The following SPMIP2 variants were observed in gnomAD, a reference collection of about 807,000 sequenced individuals.
SPMIP2 encodes sperm microtubule inner protein 2, also known as protein SPMIP2.
chr4:158,893,859 CT>C, the SPMIP2 span: 2 of 571,314 alleles, frequency 3.5e-6, no homozygotes, highest in African/African-American at 1.9e-5. Context: ...ATAGTTAATT[CT>C]TTTTACTTCC....
chr4:159,062,012 C>A, the SPMIP2 span, among the ~76,000 whole-genome samples: 9 of 152,106 alleles, frequency 5.9e-5, no homozygotes, highest in Non-Finnish European at 2.9e-5. Context: ...GCAGTGGGAA[C>A]AGTACAGCCT....
chr4:158,900,259 A>G, the SPMIP2 span, among the ~76,000 whole-genome samples: 1 of 152,238 alleles, frequency 6.6e-6, no homozygotes, highest in East Asian at 1.9e-4. Context: ...TTTTACTTCC[A>G]ATTTTGTGGT....
chr4:159,016,374 T>C, the SPMIP2 span, among the ~76,000 whole-genome samples: 1 of 152,204 alleles, frequency 6.6e-6, no homozygotes. Flanking sequence ...CTGAACTCCC[T>C]TTAGCCCACT....
chr4:159,051,126 AT>A, the SPMIP2 span, among the ~76,000 whole-genome samples: 1 of 151,784 alleles, frequency 6.6e-6, no homozygotes, highest in Non-Finnish European at 1.5e-5. Context: ...AAAAAAAAAA[AT>A]CTTAAAGATG....
chr4:158,958,740 A>G, the SPMIP2 span, among the ~76,000 whole-genome samples: 3 of 152,198 alleles, frequency 2.0e-5, no homozygotes, highest in African/African-American at 7.2e-5. Context: ...GGCCCTATTC[A>G]AAAGTACCCT....
chr4:158,991,141 T>G, the SPMIP2 span, among the ~76,000 whole-genome samples: 1 of 152,178 alleles, frequency 6.6e-6, no homozygotes, highest in African/African-American at 2.4e-5. Flanking sequence ...AAATGGTACT[T>G]ACTGATGAAA....
the SPMIP2 span, among the ~76,000 whole-genome samples, chr4:158,952,680 G>T: frequency 1.3e-5 from 2 of 152,190 alleles, no homozygotes; most frequent in African/African-American, 4.8e-5. Flanking sequence ...ACAGGAAAAT[G>T]TGAGAAAGTT....
chr4:159,052,409 C>A, the SPMIP2 span, among the ~76,000 whole-genome samples: 1 of 152,058 alleles, frequency 6.6e-6, no homozygotes, highest in Admixed American at 6.6e-5. Context: ...CAACCAACAA[C>A]CAACACAACC....
chr4:159,002,616 C>A, the SPMIP2 span, among the ~76,000 whole-genome samples: 1 of 151,970 alleles, frequency 6.6e-6, no homozygotes, highest in Non-Finnish European at 1.5e-5. Context: ...GGTCCATGAC[C>A]CATTTCAAGT....
the SPMIP2 span, among the ~76,000 whole-genome samples, chr4:158,992,626 T>C: frequency 6.6e-6 from 1 of 152,182 alleles, no homozygotes; most frequent in African/African-American, 2.4e-5. Context: ...AGAAATTTGT[T>C]TTCATACAGT....
chr4:159,046,729 C>A, the SPMIP2 span, among the ~76,000 whole-genome samples: 1 of 152,158 alleles, frequency 6.6e-6, no homozygotes, highest in African/African-American at 2.4e-5. Context: ...CATGTCACCA[C>A]ACTCAGCTAA....
chr4:158,937,107 C>T, the SPMIP2 span, among the ~76,000 whole-genome samples: 1 of 152,224 alleles, frequency 6.6e-6, no homozygotes, highest in Admixed American at 6.5e-5. Flanking sequence ...ATTTCTCAGA[C>T]ATTAATCTTC....
At chr4:158,895,863 G>A in the SPMIP2 span, 3 of 1,607,872 alleles carry the variant, frequency 1.9e-6, no homozygotes, top group Non-Finnish European at 2.6e-6. Flanking sequence ...GTGTCGTACT[G>A]GGGTGAGTTC....
the SPMIP2 span, among the ~76,000 whole-genome samples, chr4:159,053,517 G>A: frequency 8.5e-5 from 13 of 152,222 alleles, no homozygotes; most frequent in African/African-American, 3.1e-4. Flanking sequence ...CCCCTAGCCC[G>A]TGCCTTCCTA....
chr4:158,978,552 A>C, the SPMIP2 span, among the ~76,000 whole-genome samples: 1 of 152,140 alleles, frequency 6.6e-6, no homozygotes, highest in Non-Finnish European at 1.5e-5. Flanking sequence ...AAGACTTTAC[A>C]TCTCTTTGTA....
chr4:159,067,596 A>G, the SPMIP2 span, among the ~76,000 whole-genome samples: 2 of 152,224 alleles, frequency 1.3e-5, no homozygotes, highest in South Asian at 4.1e-4. Context: ...AGAAAATTAG[A>G]AAAAGAAGAC....
At chr4:159,040,203 G>A in the SPMIP2 span, among the ~76,000 whole-genome samples, 2 of 151,592 alleles carry the variant, frequency 1.3e-5, no homozygotes, top group Non-Finnish European at 2.9e-5. Flanking sequence ...ACGGAGTCTC[G>A]CTCTGTTGCC....
chr4:158,911,757 T>C, the SPMIP2 span, among the ~76,000 whole-genome samples: 3 of 152,294 alleles, frequency 2.0e-5, no homozygotes, highest in Middle Eastern at 0.01. Flanking sequence ...CCCAAGTGAT[T>C]TGCATGACCT....
the SPMIP2 span, among the ~76,000 whole-genome samples, chr4:158,932,334 T>C: frequency 6.6e-6 from 1 of 151,764 alleles, no homozygotes. Flanking sequence ...GGCATAGAGG[T>C]GGGAACCTGT....
Sources: gnomAD v4.1 joint callset for allele counts (sites outside exome capture counted in the v4.1 genomes callset) on GRCh38, gnomAD v4.1.1 for gene constraint, MANE v1.5 for transcripts, NCBI Gene and HGNC (gene_info 2026-07-23, HGNC 2026-07-21) for gene names.